Variants in STMP1 observed in about 807,000 individuals in gnomAD.
STMP1 encodes mitolamban.
A neutral mutation model predicts 7.0 loss-of-function variants in STMP1; 7 were observed. The ratio of observed to expected loss-of-function variants is 1.01; its 90% CI spans 0.57 to 1.89. The LOEUF (loss-of-function observed/expected upper bound fraction) is 1.89, where lower values mean the gene tolerates loss of function less well. STMP1 is among the 40% of genes most tolerant of loss of function. STMP1 has a pLI of 0.00. For missense variants in STMP1, 45 were observed against 53.0 expected (o/e 0.85, Z 0.47); for synonymous variants, 19 against 18.4 (o/e 1.03, Z -0.08).
chr7:135,663,598 C>T (rs181933162), intron 1 of STMP1, among the ~76,000 whole-genome samples: 25 of 152,256 alleles, frequency 1.6e-4, no homozygotes, highest in African/African-American at 5.8e-4. Flanking sequence ...CCCACCTCAG[C>T]CTACGAAAGT....
chr7:135,670,326 G>T (rs1251977633), intron 1 of STMP1, among the ~76,000 whole-genome samples: 4 of 152,102 alleles, frequency 2.6e-5, no homozygotes, highest in Non-Finnish European at 5.9e-5. Context: ...CATTGTGATG[G>T]CATTCAGCTG....
chr7:135,666,493 C>T (rs549270789), intron 1 of STMP1, among the ~76,000 whole-genome samples: 2 of 152,142 alleles, frequency 1.3e-5, no homozygotes, highest in African/African-American at 2.4e-5. Context: ...GGATTACAGA[C>T]GTGTGCCACC....
intron 1 of STMP1, among the ~76,000 whole-genome samples, chr7:135,672,495 TG>T (rs1795366448): frequency 6.6e-6 from 1 of 152,180 alleles, no homozygotes; most frequent in Admixed American, 6.5e-5. Flanking sequence ...TATTCTTTTT[TG>T]TTGTTTTATT....
intron 2 of STMP1, 53 bp from the exon 3 acceptor site, chr7:135,674,038 A>G: frequency 8.8e-7 from 1 of 1,137,270 alleles, no homozygotes; most frequent in Non-Finnish European, 1.3e-6. Flanking sequence ...GAGAAGTACA[A>G]GAATATTGAT....
intron 1 of STMP1, among the ~76,000 whole-genome samples, chr7:135,671,595 C>T (rs768776964): frequency 6.6e-6 from 1 of 152,184 alleles, no homozygotes; most frequent in African/African-American, 2.4e-5. Flanking sequence ...TTGGATATAT[C>T]TAAATTTTCA....
chr7:135,662,718 C>G (rs950614049), intron 1 of STMP1, 124 bp downstream of exon 1: 3 of 1,169,114 alleles, frequency 2.6e-6, no homozygotes, highest in African/African-American at 3.2e-5. Flanking sequence ...CCCTTCGTCC[C>G]CCGCGCCTGG....
At chr7:135,670,730 C>T (rs1795348397) in intron 1 of STMP1, among the ~76,000 whole-genome samples, 1 of 151,960 alleles carries the variant, frequency 6.6e-6, no homozygotes. Flanking sequence ...TTTTATGTGC[C>T]CTGATACCTG....
intron 1 of STMP1, among the ~76,000 whole-genome samples, chr7:135,666,185 G>A (rs982227093): frequency 6.6e-5 from 10 of 152,058 alleles, no homozygotes; most frequent in South Asian, 2.1e-4. Context: ...TACCCACCTC[G>A]GTCTCCCAAA....
chr7:135,666,191 C>A (rs148454926), intron 1 of STMP1, among the ~76,000 whole-genome samples: 111 of 152,274 alleles, frequency 7.3e-4, no homozygotes, highest in African/African-American at 2.6e-3. Context: ...CCTCGGTCTC[C>A]CAAAGTGCTG....
chr7:135,664,050 C>T (rs1795266660), intron 1 of STMP1, among the ~76,000 whole-genome samples: 1 of 152,158 alleles, frequency 6.6e-6, no homozygotes, highest in Non-Finnish European at 1.5e-5. Context: ...AAAGAGTGTC[C>T]TTAATCTGCC....
intron 1 of STMP1, among the ~76,000 whole-genome samples, chr7:135,668,771 T>G (rs549879257): frequency 1.3e-5 from 2 of 152,318 alleles, no homozygotes; most frequent in East Asian, 3.8e-4. Flanking sequence ...CTCTCCATTC[T>G]TTAACTCAAA....
At chr7:135,672,258 G>A (rs114153786) in intron 1 of STMP1, among the ~76,000 whole-genome samples, 1,793 of 152,302 alleles carry the variant, frequency 0.012, 48 homozygotes, top group African/African-American at 0.041. Context: ...GGATATAGGC[G>A]TGAGCCTCTG....
chr7:135,672,607 A>T (rs1027498678), intron 1 of STMP1, 146 bp from the exon 2 acceptor site: 22 of 593,254 alleles, frequency 3.7e-5, no homozygotes, highest in Admixed American at 6.2e-5. Context: ...TGTGACTCTC[A>T]TGTTGTACAC....
At chr7:135,673,237 T>A (rs1255946065) in intron 2 of STMP1, 1 of 169,994 alleles carries the variant, frequency 5.9e-6, no homozygotes, top group Non-Finnish European at 1.3e-5. Context: ...AGATCTATAT[T>A]CCATCTCCAA....
intron 1 of STMP1, among the ~76,000 whole-genome samples, chr7:135,666,969 G>GT (rs139839248): frequency 0.012 from 1,780 of 152,262 alleles, 47 homozygotes; most frequent in African/African-American, 0.04. Flanking sequence ...TAGCTGCACC[G>GT]TTTTACATTC....
chr7:135,663,939 C>G (rs1488111787), intron 1 of STMP1, among the ~76,000 whole-genome samples: 1 of 152,250 alleles, frequency 6.6e-6, no homozygotes, highest in African/African-American at 2.4e-5. Context: ...CCTCCGCGCC[C>G]GGCCCCAAAT....
At chr7:135,668,279 A>G (rs1398565668) in intron 1 of STMP1, among the ~76,000 whole-genome samples, 1 of 152,056 alleles carries the variant, frequency 6.6e-6, no homozygotes, top group Non-Finnish European at 1.5e-5. Context: ...TTAAATTCCT[A>G]CATCTTTTCA....
intron 1 of STMP1, 37 bp downstream of exon 1, chr7:135,662,631 G>C: frequency 6.5e-7 from 1 of 1,542,776 alleles, no homozygotes; most frequent in East Asian, 2.5e-5. Flanking sequence ...CCCGCTGCCT[G>C]GGGCGTGCCT....
Position 135,675,210 on chromosome 7 carries a change from A to G in STMP1, c.*1045A>G, listed in dbSNP as rs1795398646. 6.6e-6 allele frequency: 1 copy of G among 152,172 alleles called. No individual in the cohort carries two copies. Among genetic ancestry groups the G allele is most frequent in the South Asian group, 2.1e-4 (1 of 4,828 alleles). 9.4% of individuals were successfully genotyped at this position (152,172 alleles called of 1,614,324 possible). A position where few individuals can be genotyped will look rare whatever the true frequency, so the allele number is the denominator to read the frequency against. ...CAAGATACAAAAGTAATTTCATATA[A>G]AGGGCCTCTCCCACCCCTGTTCTCT... On this transcript the variant is annotated 3_prime_UTR_variant, in exon 3 of 3. Coordinates refer to ENST00000507606, the MANE Select transcript of STMP1 (RefSeq NM_001130929.2).
Sources: allele counts gnomAD v4.1 joint callset (sites outside exome capture counted in the v4.1 genomes callset), GRCh38; gene constraint gnomAD v4.1.1; transcripts MANE v1.5; gene names NCBI Gene and HGNC (gene_info 2026-07-23, HGNC 2026-07-21).